Variants in CLNK observed in about 807,000 individuals in gnomAD.
The protein encoded by CLNK is cytokine dependent hematopoietic cell linker.
In CLNK, 74 loss-of-function variants were observed where a neutral mutation model predicts 68.6. That is an observed-to-expected ratio of 1.08 (90% CI 0.89 to 1.31). CLNK has a LOEUF of 1.31. Ranked by LOEUF, CLNK falls within the 50% of genes most tolerant of loss-of-function variation. The probability of loss-of-function intolerance (pLI) is 0.00; values close to 1 mark genes in which losing one functional copy is unlikely to be tolerated. For synonymous variants in CLNK, 198 were observed against 172.2 expected (o/e 1.15, Z -1.17); for missense variants, 553 against 515.3 (o/e 1.07, Z -0.71).
intron 8 of CLNK, among the ~76,000 whole-genome samples, chr4:10,542,940 C>T (rs1409016018): frequency 6.6e-6 from 1 of 152,042 alleles, no homozygotes; most frequent in Non-Finnish European, 1.5e-5. Flanking sequence ...GTTCTATTTC[C>T]ATAATTCAAC....
chr4:10,490,946 G>C (rs948626019), intron 18 of CLNK, among the ~76,000 whole-genome samples: 5 of 151,972 alleles, frequency 3.3e-5, no homozygotes, highest in Non-Finnish European at 5.9e-5. Context: ...TGTATTTTTA[G>C]TAGAGACAGG....
At chr4:10,646,243 A>C (rs1462763252) in intron 2 of CLNK, among the ~76,000 whole-genome samples, 2 of 152,220 alleles carry the variant, frequency 1.3e-5, no homozygotes, top group African/African-American at 2.4e-5. Flanking sequence ...TATACCAATT[A>C]ACAAGTTTGA....
the CLNK span, among the ~76,000 whole-genome samples, chr4:10,722,972 C>A: frequency 7.8e-3 from 1,184 of 151,982 alleles, 19 homozygotes; most frequent in African/African-American, 0.028. Flanking sequence ...ATTGCTTGAA[C>A]CCGGGAGGTT....
At chr4:10,558,503 T>C (rs1297298913) in intron 7 of CLNK, 51 bp from the exon 8 acceptor site, 1 of 1,528,578 alleles carries the variant, frequency 6.5e-7, no homozygotes, top group East Asian at 2.2e-5. Flanking sequence ...ACTATGACAC[T>C]ATCTGATGTC....
chr4:10,606,038 C>G (rs1721775418), intron 2 of CLNK, among the ~76,000 whole-genome samples: 1 of 151,832 alleles, frequency 6.6e-6, no homozygotes, highest in Non-Finnish European at 1.5e-5. Context: ...ACATTCTTTT[C>G]TTTAAACTTA....
At chr4:10,724,067 C>T in the CLNK span, among the ~76,000 whole-genome samples, 3 of 152,074 alleles carry the variant, frequency 2.0e-5, no homozygotes, top group South Asian at 2.1e-4. Flanking sequence ...CAAGAGTCGA[C>T]GGGGTTGGGG....
At chr4:10,492,787 G>T (rs1716637295) in intron 18 of CLNK, among the ~76,000 whole-genome samples, 2 of 152,160 alleles carry the variant, frequency 1.3e-5, no homozygotes, top group Non-Finnish European at 2.9e-5. Flanking sequence ...TGTAGAGTGG[G>T]AATGTCTTGA....
intron 4 of CLNK, among the ~76,000 whole-genome samples, chr4:10,580,550 C>G (rs2108834113): frequency 1.3e-5 from 2 of 151,874 alleles, no homozygotes; most frequent in South Asian, 4.2e-4. Context: ...AGGCGGAAGG[C>G]AGTGATATTG....
intron 2 of CLNK, among the ~76,000 whole-genome samples, chr4:10,643,867 T>C (rs1723411105): frequency 6.6e-6 from 1 of 152,242 alleles, no homozygotes; most frequent in Non-Finnish European, 1.5e-5. Flanking sequence ...GGTTTATAAC[T>C]GTAGTTCCCT....
At position 10,681,443 on chromosome 4, in the gene CLNK, C is replaced by A. The variant is rs1353887437; in HGVS notation, c.-43+3225G>T. ...ATCTTACACGAAATTGAACACAGAACCTACCACTGTTAAAGATTATCATCC... is the reference window on the plus strand; with the variant it reads ...ATCTTACACGAAATTGAACACAGAAACTACCACTGTTAAAGATTATCATCC... On this transcript the variant is annotated intron_variant, in intron 1 of 18. Coordinates refer to ENST00000226951, the MANE Select transcript of CLNK (RefSeq NM_052964.4). 2.0e-5 allele frequency among the ~76,000 whole-genome samples: 3 copies of A among 152,262 alleles called. No homozygotes were observed. The East Asian group carries it at 5.8e-4, about 29-fold the overall frequency.
chr4:10,495,095 A>G (rs921979712), intron 18 of CLNK, among the ~76,000 whole-genome samples: 1 of 152,054 alleles, frequency 6.6e-6, no homozygotes, highest in Non-Finnish European at 1.5e-5. Flanking sequence ...AGAAGGTGTG[A>G]AAAAAACCCA....
At chr4:10,579,855 G>A (rs185093681) in intron 4 of CLNK, among the ~76,000 whole-genome samples, 4 of 152,266 alleles carry the variant, frequency 2.6e-5, no homozygotes, top group Admixed American at 1.3e-4. Flanking sequence ...GCTAGGGTAG[G>A]AGGGCCAGTT....
chr4:10,728,793 C>T, the CLNK span, among the ~76,000 whole-genome samples: 4 of 151,802 alleles, frequency 2.6e-5, no homozygotes, highest in South Asian at 2.1e-4. Context: ...GACGGGGTTT[C>T]GCCATGTTAG....
chr4:10,638,160 G>A (rs540362296), intron 2 of CLNK, among the ~76,000 whole-genome samples: 2 of 152,294 alleles, frequency 1.3e-5, no homozygotes, highest in Admixed American at 6.5e-5. Flanking sequence ...ACCCACAGGG[G>A]TGCCTGTGAG....
the CLNK span, among the ~76,000 whole-genome samples, chr4:10,708,916 G>A: frequency 6.6e-6 from 1 of 152,276 alleles, no homozygotes; most frequent in East Asian, 1.9e-4. Context: ...CTACTTCTAT[G>A]ATTACGCTAT....
At position 10,566,126 on chromosome 4, in the gene CLNK, C is replaced by G. The variant is rs1720101787; in HGVS notation, c.175G>C (p.Asp59His). The change falls in exon 6 of 19, where the codon GAT (aspartate) becomes CAT (histidine). Residue 59 changes from aspartate (D) to histidine (H), a missense_variant. Transcript: ENST00000226951. ...TCATCACTGTGGCCTTTTGCTCCAT[C>G]CAGGACTGCAGCAAAGTTTCTTTCC... ...DWERNFAAVL[D>H]GAKGHSDDDY... 1.2e-6 allele frequency: 2 copies of G among 1,613,810 alleles called. No individual in the cohort carries two copies. The highest frequency in any genetic ancestry group is 1.7e-6 in the Non-Finnish European group (2 of 1,179,766).
chr4:10,699,494 C>CTCTCTCTATATATATATATA, the CLNK span, among the ~76,000 whole-genome samples: 6 of 56,984 alleles, frequency 1.1e-4, no homozygotes, highest in African/African-American at 5.4e-4. Flanking sequence ...CTCTCTCTCT[C>CTCTCTCTATATATATATATA]TATATATATA....
chr4:10,521,851 TA>T (rs1454404425), intron 14 of CLNK, among the ~76,000 whole-genome samples: 2 of 152,286 alleles, frequency 1.3e-5, no homozygotes, highest in East Asian at 3.9e-4. Context: ...TCTGCGCTAA[TA>T]GTATAGGATT....
chr4:10,675,718 A>G (rs1482184145), intron 1 of CLNK, among the ~76,000 whole-genome samples: 2 of 152,212 alleles, frequency 1.3e-5, no homozygotes, highest in African/African-American at 4.8e-5. Context: ...AGGAAATGTC[A>G]TTCTAATAAT....
Sources: allele counts gnomAD v4.1 joint callset (sites outside exome capture counted in the v4.1 genomes callset), GRCh38; gene constraint gnomAD v4.1.1; transcripts MANE v1.5; gene names NCBI Gene and HGNC (gene_info 2026-07-23, HGNC 2026-07-21).